Variants in MARCO observed in about 807,000 individuals in gnomAD.
The protein encoded by MARCO is macrophage receptor MARCO.
In MARCO, 72 loss-of-function variants were observed where a neutral mutation model predicts 70.0. The observed-to-expected ratio is 1.03, with a 90% CI of 0.85 to 1.25. The LOEUF is 1.25. Ranked by LOEUF, MARCO falls within the 50% of genes most tolerant of loss-of-function variation. The probability of loss-of-function intolerance (pLI) is 0.00; values close to 1 mark genes in which losing one functional copy is unlikely to be tolerated. For synonymous variants in MARCO, 273 were observed against 243.1 expected (o/e 1.12, Z -1.14); for missense variants, 696 against 659.3 (o/e 1.06, Z -0.61).
At chr2:118,992,571 A>G (rs1264066055) in intron 15 of MARCO, 95 bp downstream of exon 15, 3 of 1,113,906 alleles carry the variant, frequency 2.7e-6, no homozygotes, top group East Asian at 5.0e-5. Flanking sequence ...TGGTTCTCAA[A>G]TAAATTTCTC....
intron 4 of MARCO, 46 bp from the exon 5 acceptor site, chr2:118,974,287 C>G (rs894859880): frequency 5.2e-6 from 6 of 1,150,290 alleles, no homozygotes; most frequent in African/African-American, 1.5e-5. Context: ...CGTTGTTGCC[C>G]CATCCTGTTG....
intron 1 of MARCO, among the ~76,000 whole-genome samples, chr2:118,950,635 C>T (rs1207153920): frequency 2.0e-5 from 3 of 152,136 alleles, no homozygotes; most frequent in African/African-American, 7.2e-5. Context: ...TGCATAAATT[C>T]CCTTTTATAA....
Position 118,991,954 on chromosome 2 carries a change from G to T in MARCO, c.1207+79G>T. 6 of 1,011,646 alleles carry T rather than the reference G, an allele frequency of 5.9e-6. No homozygotes were observed. In the East Asian group the frequency reaches 1.3e-4, roughly 22 times the overall value. The allele number at this position is 1,011,646 out of a possible 1,614,324, so 62.7% of individuals were successfully genotyped here. On this transcript the variant is annotated intron_variant, in intron 14 of 16. Transcript: ENST00000327097. ...TTCTGTACCTTAAAATAGGAAAGGC[G>T]CTGTTTTAAGAGTTCTGGGGATTTT... is the stretch of plus-strand genomic sequence containing the variant.
In MARCO at chr2:118,970,307, G is replaced by T. The variant is rs747298760; in HGVS notation, c.393G>T (p.Leu131=). ...TCCGCGTCAGCCATGAGCACTTGCT[G>T]CAGCGGGTAGACAACTTCACTCAGA... ...TWVRVSHEHL[L]QRVDNFTQNP... is the part of the protein sequence containing the mutation. Residue 131 remains leucine (L), a synonymous_variant, in exon 3 of 17, where the codon CTG becomes CTT. Coordinates refer to ENST00000327097, the MANE Select transcript of MARCO (RefSeq NM_006770.4). The T allele has an allele frequency of 1.2e-6, 2 of 1,613,684 alleles. No individual in the cohort carries two copies. Among genetic ancestry groups the T allele is most frequent in the African/African-American group, 1.3e-5 (1 of 74,924 alleles).
chr2:118,981,737 CT>C, intron 10 of MARCO, 81 bp downstream of exon 10: 4 of 1,376,752 alleles, frequency 2.9e-6, no homozygotes, highest in Non-Finnish European at 3.1e-6. Context: ...ACACCACCAT[CT>C]TTTGCTTCAT....
intron 1 of MARCO, among the ~76,000 whole-genome samples, chr2:118,965,637 G>C (rs1437428204): frequency 6.6e-6 from 1 of 152,104 alleles, no homozygotes; most frequent in African/African-American, 2.4e-5. Context: ...TGGATGTTTT[G>C]TATAGTATGT....
At chr2:118,942,575 T>C (rs776560928) in intron 1 of MARCO, among the ~76,000 whole-genome samples, 178 bp downstream of exon 1, 1 of 152,232 alleles carries the variant, frequency 6.6e-6, no homozygotes, top group Non-Finnish European at 1.5e-5. Flanking sequence ...ATGCTAATAA[T>C]AGATGCTGTA....
intron 16 of MARCO, 97 bp from the exon 17 acceptor site, chr2:118,994,290 C>T: frequency 1.5e-6 from 2 of 1,362,088 alleles, no homozygotes; most frequent in Non-Finnish European, 2.1e-6. Context: ...AGTCGGCAGT[C>T]CACCTCAGAT....
intron 12 of MARCO, among the ~76,000 whole-genome samples, chr2:118,988,434 G>A (rs1021275550): frequency 1.2e-4 from 18 of 151,946 alleles, no homozygotes; most frequent in African/African-American, 3.9e-4. Context: ...CAAGACTGGT[G>A]GGGAGAAAGA....
chr2:118,973,199 ACT>A (rs763989047), intron 4 of MARCO, among the ~76,000 whole-genome samples: 1 of 146,454 alleles, frequency 6.8e-6, no homozygotes, highest in African/African-American at 2.6e-5. Flanking sequence ...AAAAACTCCA[ACT>A]CTCTCTCTCC....
intron 15 of MARCO, 132 bp from the exon 16 acceptor site, chr2:118,992,992 C>A: frequency 1.2e-6 from 1 of 826,586 alleles, no homozygotes; most frequent in Non-Finnish European, 1.9e-6. Context: ...ATCTTCCAGG[C>A]TCTGGTGACA....
intron 12 of MARCO, among the ~76,000 whole-genome samples, chr2:118,985,476 A>G (rs1385956207): frequency 6.6e-6 from 1 of 152,176 alleles, no homozygotes; most frequent in African/African-American, 2.4e-5. Context: ...TAAAGAAGAC[A>G]AAGAGGAAAT....
intron 6 of MARCO, among the ~76,000 whole-genome samples, chr2:118,977,189 A>G (rs999672790): frequency 5.3e-5 from 8 of 150,204 alleles, no homozygotes; most frequent in Non-Finnish European, 8.9e-5. Context: ...CAGGCTTCCA[A>G]TGCATGAACT....
At chr2:118,967,476 G>A (rs1336177111) in intron 1 of MARCO, among the ~76,000 whole-genome samples, 1 of 152,148 alleles carries the variant, frequency 6.6e-6, no homozygotes, top group Non-Finnish European at 1.5e-5. Flanking sequence ...TGAGAGCAGG[G>A]AATGACTTGG....
At chr2:118,978,067 G>A in intron 8 of MARCO, 132 bp downstream of exon 8, 1 of 582,932 alleles carries the variant, frequency 1.7e-6, no homozygotes, top group South Asian at 2.5e-5. Context: ...AATCTCTGGA[G>A]CACCACACAT....
intron 16 of MARCO, 147 bp downstream of exon 16, chr2:118,993,447 G>T (rs1680662180): frequency 4.1e-6 from 3 of 733,108 alleles, no homozygotes; most frequent in South Asian, 1.9e-5. Flanking sequence ...GCAGTGCAGG[G>T]CTCCAGGTAT....
intron 1 of MARCO, among the ~76,000 whole-genome samples, chr2:118,964,409 C>T (rs566031287): frequency 4.6e-5 from 7 of 152,170 alleles, no homozygotes; most frequent in African/African-American, 1.4e-4. Context: ...TTAGTTCTGC[C>T]AGTAAAAGAT....
intron 1 of MARCO, among the ~76,000 whole-genome samples, chr2:118,944,311 T>C (rs1400380382): frequency 6.6e-6 from 1 of 152,208 alleles, no homozygotes; most frequent in Non-Finnish European, 1.5e-5. Context: ...TTTTCTTATA[T>C]GCATTCACAA....
In MARCO at chr2:118,977,925, G is replaced by A. The variant is rs1370186064; in HGVS notation, c.756G>A (p.Leu252=). Reference sequence around the variant, plus strand: ...GAACTAAGGGAGAGAAAGGAGACCTGGGTCTCCCAGGTGAGGGCCGTATTG... The same window carrying A: ...GAACTAAGGGAGAGAAAGGAGACCTAGGTCTCCCAGGTGAGGGCCGTATTG... ...ETGTKGEKGD[L]GLPGSKGDRG... is the part of the protein sequence containing the mutation. The change falls in exon 8 of 17, where the codon CTG becomes CTA. Residue 252 remains leucine (L), a synonymous_variant. Transcript: ENST00000327097. The A allele has an allele frequency of 6.2e-7, 1 of 1,602,144 alleles. No individual in the cohort carries two copies. Among genetic ancestry groups the A allele is most frequent in the South Asian group, 1.1e-5 (1 of 89,042 alleles).
Sources: gnomAD v4.1 joint callset for allele counts (sites outside exome capture counted in the v4.1 genomes callset) on GRCh38, gnomAD v4.1.1 for gene constraint, MANE v1.5 for transcripts, NCBI Gene and HGNC (gene_info 2026-07-23, HGNC 2026-07-21) for gene names.